Variants in FER observed in about 807,000 individuals in gnomAD.
The protein encoded by FER is FER tyrosine kinase, also known as tyrosine-protein kinase Fer.
In FER, 63 loss-of-function variants were observed where a neutral mutation model predicts 111.0. The observed-to-expected ratio is 0.57, with a 90% CI of 0.46 to 0.70. The LOEUF (loss-of-function observed/expected upper bound fraction) is 0.70, where lower values mean the gene tolerates loss of function less well. Ranked by LOEUF, FER falls within the 30% of genes least tolerant of loss-of-function variation. The pLI is 0.00. For missense variants in FER, 914 were observed against 954.0 expected (o/e 0.96, Z 0.55); for synonymous variants, 327 against 313.9 (o/e 1.04, Z -0.44).
intron 16 of FER, among the ~76,000 whole-genome samples, chr5:109,098,473 A>G (rs1277668392): frequency 6.6e-6 from 1 of 151,788 alleles, no homozygotes; most frequent in East Asian, 1.9e-4. Context: ...TTTCATTTAA[A>G]AGTTAGTCTG....
chr5:108,954,570 C>T (rs1203839626), intron 11 of FER, among the ~76,000 whole-genome samples, 159 bp from the exon 12 acceptor site: 1 of 151,876 alleles, frequency 6.6e-6, no homozygotes, highest in Non-Finnish European at 1.5e-5. Flanking sequence ...ACTTCAGCAC[C>T]AGTACTTCAA....
intron 13 of FER, among the ~76,000 whole-genome samples, chr5:109,012,277 A>G (rs532382197): frequency 2.6e-5 from 4 of 152,344 alleles, no homozygotes; most frequent in African/African-American, 9.6e-5. Context: ...AGATAAATAC[A>G]ACTCAGCCGG....
intron 16 of FER, among the ~76,000 whole-genome samples, chr5:109,096,670 A>C (rs949270120): frequency 6.6e-5 from 9 of 137,132 alleles, no homozygotes; most frequent in African/African-American, 2.1e-4. Flanking sequence ...TCTTCTTAAG[A>C]TTTGTGCCTA....
intron 13 of FER, among the ~76,000 whole-genome samples, chr5:109,027,161 A>G (rs950192711): frequency 6.6e-6 from 1 of 151,850 alleles, no homozygotes; most frequent in Non-Finnish European, 1.5e-5. Flanking sequence ...ATTACACTGG[A>G]TGATTACCAC....
At position 108,958,780 on chromosome 5, in the gene FER, G is replaced by T. The variant is rs751079114; in HGVS notation, c.1534-445G>T. Reference sequence around the variant, plus strand: ...TATTAAAATATTTACCATCAGATTGGATATCTTTCCTTATATTTTTGACAT... The same window carrying T: ...TATTAAAATATTTACCATCAGATTGTATATCTTTCCTTATATTTTTGACAT... On this transcript the variant is annotated intron_variant, in intron 12 of 19. Transcript: ENST00000281092. 2.6e-5 allele frequency among the ~76,000 whole-genome samples: 4 copies of T among 151,720 alleles called. No homozygotes were observed. The South Asian group carries it at 6.2e-4, about 24-fold the overall frequency.
chr5:109,031,447 A>C (rs1373498963), intron 13 of FER, among the ~76,000 whole-genome samples: 1 of 152,188 alleles, frequency 6.6e-6, no homozygotes, highest in Non-Finnish European at 1.5e-5. Flanking sequence ...ATGCTGGATA[A>C]TATACATTCT....
chr5:108,907,285 CTTCTT>C (rs532809048), intron 10 of FER, among the ~76,000 whole-genome samples: 1 of 151,500 alleles, frequency 6.6e-6, no homozygotes, highest in Non-Finnish European at 1.5e-5. Context: ...AATTAGCCAA[CTTCTT>C]TTCTTTTCTT....
intron 16 of FER, among the ~76,000 whole-genome samples, chr5:109,085,586 A>G (rs1740051875): frequency 6.6e-6 from 1 of 151,526 alleles, no homozygotes; most frequent in Non-Finnish European, 1.5e-5. Context: ...CAGTAAAATG[A>G]TAAATGGTAA....
intron 13 of FER, among the ~76,000 whole-genome samples, chr5:108,992,361 A>T (rs1408643680): frequency 6.6e-6 from 1 of 152,172 alleles, no homozygotes; most frequent in Non-Finnish European, 1.5e-5. Flanking sequence ...CGCCATTGTC[A>T]TCATGGCCCG....
chr5:108,882,155 A>G (rs1329727853), intron 8 of FER, among the ~76,000 whole-genome samples: 1 of 152,092 alleles, frequency 6.6e-6, no homozygotes, highest in Non-Finnish European at 1.5e-5. Context: ...TGCATATTGT[A>G]CAAGTGTTTT....
At chr5:108,872,895 T>G (rs1192749657) in intron 8 of FER, among the ~76,000 whole-genome samples, 1 of 152,232 alleles carries the variant, frequency 6.6e-6, no homozygotes, top group Non-Finnish European at 1.5e-5. Context: ...ATGTATTTTT[T>G]CTTTATGCCA....
intron 3 of FER, among the ~76,000 whole-genome samples, chr5:108,824,812 G>A (rs978504879): frequency 1.3e-5 from 2 of 152,096 alleles, no homozygotes; most frequent in Non-Finnish European, 2.9e-5. Context: ...GACCTGCCCC[G>A]ATAATCACGT....
At chr5:108,834,156 G>A (rs1230012170) in intron 4 of FER, among the ~76,000 whole-genome samples, 1 of 151,974 alleles carries the variant, frequency 6.6e-6, no homozygotes, top group Non-Finnish European at 1.5e-5. Flanking sequence ...TTCATATTGG[G>A]TTTTTCTGTT....
chr5:108,996,375 T>C (rs1763980215), intron 13 of FER, among the ~76,000 whole-genome samples: 1 of 152,228 alleles, frequency 6.6e-6, no homozygotes, highest in Admixed American at 6.5e-5. Context: ...GGTTTTCTTC[T>C]AGGGTTTTTA....
intron 1 of FER, among the ~76,000 whole-genome samples, 154 bp downstream of exon 1, chr5:108,748,154 A>G (rs982568261): frequency 6.6e-6 from 1 of 151,848 alleles, no homozygotes; most frequent in Non-Finnish European, 1.5e-5. Context: ...AGGGACTCAG[A>G]GTAAACTGGA....
Position 108,916,317 on chromosome 5 carries a change from A to G in FER, c.1236+18469A>G, listed in dbSNP as rs147894045. On this transcript the variant is annotated intron_variant, in intron 10 of 19. Transcript: ENST00000281092. ...CAACAGCCTAGTATAAAATTTTTAG[A>G]AAATTTGTTTATCTGTACTTACTTG... is the stretch of plus-strand genomic sequence containing the variant. Among the ~76,000 whole-genome samples, 959 of 152,272 alleles carry G rather than the reference A, an allele frequency of 6.3e-3. 9 individuals carry two copies. The highest frequency in any genetic ancestry group is 0.022 in the African/African-American group (920 of 41,566).
chr5:109,006,920 G>C (rs1256267313), intron 13 of FER, among the ~76,000 whole-genome samples: 1 of 152,120 alleles, frequency 6.6e-6, no homozygotes, highest in East Asian at 1.9e-4. Flanking sequence ...GGAAAACTTT[G>C]ATAGAGGTTG....
At chr5:108,885,185 G>A (rs2150292433) in intron 9 of FER, among the ~76,000 whole-genome samples, 1 of 151,836 alleles carries the variant, frequency 6.6e-6, no homozygotes, top group African/African-American at 2.4e-5. Flanking sequence ...GTAACCAATT[G>A]CCTACTTGAC....
chr5:108,781,037 A>G (rs916788834), intron 2 of FER, among the ~76,000 whole-genome samples: 6 of 152,022 alleles, frequency 3.9e-5, no homozygotes, highest in South Asian at 2.1e-4. Flanking sequence ...CTCTGCTTAC[A>G]TTGCCCATCT....
Sources: allele counts gnomAD v4.1 joint callset (sites outside exome capture counted in the v4.1 genomes callset), GRCh38; gene constraint gnomAD v4.1.1; transcripts MANE v1.5; gene names NCBI Gene and HGNC (gene_info 2026-07-23, HGNC 2026-07-21).